Variants in SHC4 observed in about 807,000 individuals in gnomAD.
SHC4 encodes the protein SHC-transforming protein 4.
Under a neutral mutation model 69.4 loss-of-function variants are expected in SHC4, and 41 were observed. The ratio of observed to expected loss-of-function variants is 0.59; its 90% CI spans 0.46 to 0.77. SHC4 has a LOEUF of 0.77. Ranked by LOEUF, SHC4 falls within the 30% of genes least tolerant of loss-of-function variation. The pLI is 0.00. For synonymous variants in SHC4, 318 were observed against 299.3 expected, an observed-to-expected ratio of 1.06 and a Z score of -0.64; for missense variants, 777 against 783.8, an observed-to-expected ratio of 0.99 and a Z score of 0.10.
intron 11 of SHC4, 105 bp from the exon 12 acceptor site, chr15:48,826,231 T>A: frequency 3.6e-6 from 4 of 1,108,742 alleles, no homozygotes; most frequent in Non-Finnish European, 5.0e-6. Flanking sequence ...AAGTAGATAC[T>A]TTGCTGAAAA....
intron 4 of SHC4, among the ~76,000 whole-genome samples, chr15:48,880,366 A>T (rs528377814): frequency 2.0e-5 from 3 of 152,204 alleles, no homozygotes; most frequent in African/African-American, 7.2e-5. Flanking sequence ...TTTCTCAATT[A>T]GCGTGCAGCT....
intron 5 of SHC4, 122 bp from the exon 6 acceptor site, chr15:48,867,991 C>A: frequency 6.8e-6 from 5 of 734,218 alleles, no homozygotes; most frequent in Admixed American, 2.7e-5. Flanking sequence ...TTTAAAGAGA[C>A]AAGAAAAGCA....
intron 2 of SHC4, among the ~76,000 whole-genome samples, chr15:48,908,071 G>T (rs1295361280): frequency 6.6e-6 from 1 of 152,116 alleles, no homozygotes; most frequent in Non-Finnish European, 1.5e-5. Flanking sequence ...ATACCCAGTA[G>T]TGGGATTGCT....
intron 2 of SHC4, among the ~76,000 whole-genome samples, chr15:48,901,121 G>C (rs1293322708): frequency 3.9e-5 from 6 of 152,168 alleles, no homozygotes; most frequent in African/African-American, 1.2e-4. Context: ...TTCTTTTGGG[G>C]TGTTTTTTCC....
chr15:48,838,116 A>G (rs1898930286), intron 10 of SHC4, among the ~76,000 whole-genome samples: 1 of 152,260 alleles, frequency 6.6e-6, no homozygotes, highest in Non-Finnish European at 1.5e-5. Flanking sequence ...AATACTATAG[A>G]GCAATTTAAA....
intron 2 of SHC4, among the ~76,000 whole-genome samples, chr15:48,891,958 C>T (rs1312981302): frequency 6.6e-6 from 1 of 152,104 alleles, no homozygotes; most frequent in East Asian, 1.9e-4. Flanking sequence ...GGGTTCATGC[C>T]ATTCTCCTGC....
At chr15:48,919,750 T>C (rs1421233377) in intron 2 of SHC4, among the ~76,000 whole-genome samples, 1 of 152,098 alleles carries the variant, frequency 6.6e-6, no homozygotes, top group African/African-American at 2.4e-5. Flanking sequence ...TCTCCTTAGA[T>C]AGGACTTCCT....
Position 48,927,411 on chromosome 15 carries a change from C to T in SHC4, c.586-2462G>A, listed in dbSNP as rs80257790. On this transcript the variant is annotated intron_variant, in intron 1 of 11. Coordinates refer to ENST00000332408, the MANE Select transcript of SHC4 (RefSeq NM_203349.4). ...ATCATCTTTCCCTTTAGCTGTAAAT[C>T]ACCGATTGAAGACAAGGTGATATCA... 7.6e-4 allele frequency among the ~76,000 whole-genome samples: 116 copies of T among 152,270 alleles called. 1 individual carries two copies. Among genetic ancestry groups the T allele is most frequent in the African/African-American group, 2.7e-3 (112 of 41,540 alleles).
intron 9 of SHC4, among the ~76,000 whole-genome samples, chr15:48,848,126 G>C (rs1022126584): frequency 6.6e-6 from 1 of 152,042 alleles, no homozygotes; most frequent in Admixed American, 6.6e-5. Context: ...AAGGACACTA[G>C]TAGGAAACTC....
intron 8 of SHC4, among the ~76,000 whole-genome samples, chr15:48,852,478 A>G (rs1323053950): frequency 6.6e-6 from 1 of 152,354 alleles, no homozygotes; most frequent in Non-Finnish European, 1.5e-5. Flanking sequence ...CAAATAGTCT[A>G]TATGTTTAAA....
chr15:48,890,768 C>T lies in SHC4; in HGVS notation c.700G>A (p.Gly234Arg), dbSNP rs149221308. The T allele has an allele frequency of 8.7e-5, 141 of 1,614,160 alleles. 1 individual carries two copies. In the African/African-American group the frequency reaches 1.6e-3, roughly 18 times the overall value. Residue 234 changes from glycine to arginine, a missense_variant, in exon 3 of 12, where the codon GGA (glycine) becomes AGA (arginine). Transcript: ENST00000332408. Reference sequence around the variant, plus strand: ...TTTACCTTTCGCTTTTTAATGGCTCCATTTGCCCCGGGGACAGCTTCACAC... The same window carrying T: ...TTTACCTTTCGCTTTTTAATGGCTCTATTTGCCCCGGGGACAGCTTCACAC... Reference protein sequence around the residue: ...RLCEAVPGANGAIKKRKPPVK... With the variant: ...RLCEAVPGANRAIKKRKPPVK...
At position 48,963,149 on chromosome 15, in the gene SHC4, C is replaced by A. The variant is rs1216728990; in HGVS notation, c.-134G>T. The A allele has an allele frequency of 1.1e-6, 1 of 917,000 alleles. No homozygotes were observed. Among genetic ancestry groups the A allele is most frequent in the Non-Finnish European group, 1.6e-6 (1 of 622,008 alleles). 56.8% of individuals were successfully genotyped at this position (917,000 alleles called of 1,614,324 possible). On this transcript the variant is annotated 5_prime_UTR_variant, in exon 1 of 12. Coordinates refer to ENST00000332408, the MANE Select transcript of SHC4 (RefSeq NM_203349.4). ...CCACCTCTCCAACTCTGCTCTCGAG[C>A]TCGCCCACCTCGGCTCCCGGCCCCT...
Position 48,825,824 on chromosome 15 carries a change from A to G in SHC4, c.*147T>C, listed in dbSNP as rs908959134. The G allele has an allele frequency of 9.6e-6, 9 of 934,124 alleles. No individual in the cohort carries two copies. Among genetic ancestry groups the G allele is most frequent in the Middle Eastern group, 2.6e-4 (1 of 3,810 alleles). 57.9% of individuals were successfully genotyped at this position (934,124 alleles called of 1,614,324 possible). ...CTAATTTTTGTTAGTTCTTCATTTT[A>G]TAGAGGACCTGGTCCATGATGGTCT... On this transcript the variant is annotated 3_prime_UTR_variant, in exon 12 of 12. Coordinates refer to ENST00000332408, the MANE Select transcript of SHC4 (RefSeq NM_203349.4).
chr15:48,923,630 T>C, intron 2 of SHC4, among the ~76,000 whole-genome samples: 1 of 135,824 alleles, frequency 7.4e-6, no homozygotes, highest in South Asian at 2.4e-4. Flanking sequence ...ACAGGACTAC[T>C]CAGTCTTTTT....
intron 5 of SHC4, among the ~76,000 whole-genome samples, chr15:48,871,105 T>C (rs963771159): frequency 6.6e-6 from 1 of 152,330 alleles, no homozygotes; most frequent in African/African-American, 2.4e-5. Context: ...ATGTGGTGGA[T>C]AGAAAACAAT....
intron 4 of SHC4, chr15:48,877,599 G>T (rs1215614025): frequency 4.1e-6 from 4 of 981,640 alleles, no homozygotes; most frequent in Non-Finnish European, 4.8e-6. Flanking sequence ...ATACCTCCCA[G>T]GCGAAAAGAA....
intron 10 of SHC4, among the ~76,000 whole-genome samples, chr15:48,841,626 C>G (rs1237673304): frequency 6.6e-6 from 1 of 152,232 alleles, no homozygotes; most frequent in Non-Finnish European, 1.5e-5. Flanking sequence ...CGACAGACCA[C>G]ATGGGCTTTT....
chr15:48,944,613 T>C (rs1453678755), intron 1 of SHC4, among the ~76,000 whole-genome samples: 2 of 152,112 alleles, frequency 1.3e-5, no homozygotes, highest in Non-Finnish European at 2.9e-5. Flanking sequence ...CCAACCTACC[T>C]AACATGAACA....
intron 11 of SHC4, among the ~76,000 whole-genome samples, chr15:48,826,366 T>C (rs375415587): frequency 7.9e-5 from 12 of 151,846 alleles, no homozygotes; most frequent in African/African-American, 2.9e-4. Flanking sequence ...ATTCTAGTGC[T>C]TCAGCCCGAG....
Sources: allele counts gnomAD v4.1 joint callset (sites outside exome capture counted in the v4.1 genomes callset), GRCh38; gene constraint gnomAD v4.1.1; transcripts MANE v1.5; gene names NCBI Gene and HGNC (gene_info 2026-07-23, HGNC 2026-07-21).